The following MGAT5 variants were observed in gnomAD, a reference collection of about 807,000 sequenced individuals.
MGAT5 encodes the protein alpha-1,6-mannosylglycoprotein 6-beta-N-acetylglucosaminyltransferase A.
MGAT5 carries 30 observed loss-of-function variants against 94.3 expected under a neutral mutation model. That is an observed-to-expected ratio of 0.32 (90% CI 0.24 to 0.43). MGAT5 has a LOEUF of 0.43. MGAT5 is among the 20% of genes least tolerant of loss of function. The pLI, the probability that MGAT5 is intolerant of heterozygous loss-of-function variation, is 1.00. For missense variants in MGAT5, 691 were observed against 905.5 expected (o/e 0.76, Z 3.04); for synonymous variants, 310 against 322.9 (o/e 0.96, Z 0.43).
At chr2:134,263,377 C>T (rs897853677) in intron 1 of MGAT5, among the ~76,000 whole-genome samples, 2 of 152,172 alleles carry the variant, frequency 1.3e-5, no homozygotes, top group Admixed American at 6.5e-5. Context: ...AGTAATGACA[C>T]CCTCTGCAAC....
chr2:134,362,699 G>GGGCC (rs1479572104), intron 10 of MGAT5, among the ~76,000 whole-genome samples: 3 of 152,210 alleles, frequency 2.0e-5, no homozygotes, highest in African/African-American at 7.2e-5. Context: ...CTGAGAGCCA[G>GGGCC]GGCCCTCCAG....
At chr2:134,264,432 C>T (rs1214437214) in intron 1 of MGAT5, among the ~76,000 whole-genome samples, 8 of 152,182 alleles carry the variant, frequency 5.3e-5, no homozygotes, top group Non-Finnish European at 7.3e-5. Context: ...ACAGAGATGA[C>T]AAGCAGACTT....
intron 1 of MGAT5, among the ~76,000 whole-genome samples, chr2:134,246,726 A>G (rs1000393357): frequency 1.3e-5 from 2 of 152,214 alleles, no homozygotes; most frequent in Non-Finnish European, 2.9e-5. Flanking sequence ...TGGTAGACTC[A>G]GCTTGGTTTG....
At chr2:134,325,217 A>G (rs1278933787) in intron 4 of MGAT5, among the ~76,000 whole-genome samples, 1 of 152,098 alleles carries the variant, frequency 6.6e-6, no homozygotes, top group Non-Finnish European at 1.5e-5. Context: ...AAGACTTGCC[A>G]AAACCCAAAT....
intron 1 of MGAT5, among the ~76,000 whole-genome samples, chr2:134,232,082 A>C (rs1327237262): frequency 2.7e-5 from 4 of 149,874 alleles, no homozygotes; most frequent in Non-Finnish European, 5.9e-5. Context: ...GTCATTCTAT[A>C]CTCCTCCTCC....
At chr2:134,216,739 AT>A (rs1680516253) in intron 1 of MGAT5, among the ~76,000 whole-genome samples, 2 of 152,174 alleles carry the variant, frequency 1.3e-5, no homozygotes, top group African/African-American at 4.8e-5. Flanking sequence ...TACTTTTGCC[AT>A]TTCTGCTCTA....
intron 1 of MGAT5, among the ~76,000 whole-genome samples, chr2:134,231,849 G>C (rs1008369117): frequency 2.6e-5 from 4 of 152,194 alleles, no homozygotes; most frequent in African/African-American, 9.7e-5. Flanking sequence ...CTTGCCTGCT[G>C]TGCCGAGTTG....
At chr2:134,171,534 T>C (rs1000339518) in intron 1 of MGAT5, among the ~76,000 whole-genome samples, 5 of 152,182 alleles carry the variant, frequency 3.3e-5, no homozygotes, top group African/African-American at 1.2e-4. Flanking sequence ...TAATAATTTT[T>C]AGACAAATGC....
At chr2:134,277,572 T>C (rs191777521) in intron 2 of MGAT5, among the ~76,000 whole-genome samples, 2 of 152,250 alleles carry the variant, frequency 1.3e-5, no homozygotes, top group Admixed American at 1.3e-4. Flanking sequence ...TCCCCTGACA[T>C]GGGATTAAAA....
chr2:134,200,044 A>T (rs1360006852), intron 1 of MGAT5, among the ~76,000 whole-genome samples: 1 of 152,142 alleles, frequency 6.6e-6, no homozygotes, highest in Non-Finnish European at 1.5e-5. Flanking sequence ...CAGGTAAAGG[A>T]TGTCATGTTG....
chr2:134,134,643 GGACTCT>G (rs980776690), intron 1 of MGAT5, among the ~76,000 whole-genome samples: 7 of 152,180 alleles, frequency 4.6e-5, no homozygotes, highest in Non-Finnish European at 1.0e-4. Context: ...CCTGGAGAGA[GGACTCT>G]GGTCTAGTCC....
At chr2:134,283,335 A>G (rs1248479124) in intron 2 of MGAT5, among the ~76,000 whole-genome samples, 1 of 152,188 alleles carries the variant, frequency 6.6e-6, no homozygotes, top group Non-Finnish European at 1.5e-5. Flanking sequence ...GGCTGTTGCT[A>G]TAATTAACAA....
At chr2:134,410,932 A>G (rs1204847381) in intron 11 of MGAT5, among the ~76,000 whole-genome samples, 1 of 152,130 alleles carries the variant, frequency 6.6e-6, no homozygotes, top group South Asian at 2.1e-4. Flanking sequence ...ATGCCCAACC[A>G]CGGCCTGACA....
chr2:134,177,144 C>CGTGTGTGTGTGTGTGTGTGTGT (rs141358502), intron 1 of MGAT5, among the ~76,000 whole-genome samples: 34,097 of 142,306 alleles, frequency 0.24, 4,793 homozygotes, highest in Non-Finnish European at 0.31. Context: ...CAAATGAACC[C>CGTGTGTGTGTGTGTGTGTGTGT]GTGTGTGTGT....
At chr2:134,171,438 T>C (rs549203674) in intron 1 of MGAT5, among the ~76,000 whole-genome samples, 2 of 152,168 alleles carry the variant, frequency 1.3e-5, no homozygotes, top group South Asian at 4.1e-4. Context: ...CAAGAAGCAG[T>C]TTTGTGCAGA....
intron 4 of MGAT5, among the ~76,000 whole-genome samples, chr2:134,324,056 G>A (rs1316674635): frequency 6.6e-6 from 1 of 152,128 alleles, no homozygotes; most frequent in African/African-American, 2.4e-5. Flanking sequence ...CTTCATCTCT[G>A]TTGATATTAT....
intron 10 of MGAT5, among the ~76,000 whole-genome samples, chr2:134,387,332 A>ATATATATATATATATTTATATTTT: frequency 4.1e-5 from 1 of 24,274 alleles, no homozygotes; most frequent in Non-Finnish European, 6.4e-5. Flanking sequence ...ATATATATAT[A>ATATATATATATATATTTATATTTT]TTTTTTTTTT....
rs1558901755 is a variant in MGAT5 at position 134,452,128 on chromosome 2, G to A, written c.*3281G>A. 1 of 152,228 alleles carries A rather than the reference G, an allele frequency of 6.6e-6. No individual in the cohort carries two copies. The highest frequency in any genetic ancestry group is 2.4e-5 in the African/African-American group (1 of 41,440). The allele number at this position is 152,228 out of a possible 1,614,324, so 9.4% of individuals were successfully genotyped here. A position where few individuals can be genotyped will look rare whatever the true frequency, so the allele number is the denominator to read the frequency against. On this transcript the variant is annotated 3_prime_UTR_variant, in exon 16 of 16. Coordinates refer to ENST00000281923, the MANE Select transcript of MGAT5 (RefSeq NM_002410.5). ...TGAGCCACTGTAGCTGTTGAAGCTGGACACCAGACGCTCCCTATAACCCCC... is the reference window on the plus strand; with the variant it reads ...TGAGCCACTGTAGCTGTTGAAGCTGAACACCAGACGCTCCCTATAACCCCC...
chr2:134,259,130 G>C (rs1386462739), intron 1 of MGAT5, among the ~76,000 whole-genome samples: 1 of 152,220 alleles, frequency 6.6e-6, no homozygotes, highest in African/African-American at 2.4e-5. Context: ...TTTGTTCTTG[G>C]AGTGTGGAGG....
Sources: gnomAD v4.1 joint callset for allele counts (sites outside exome capture counted in the v4.1 genomes callset) on GRCh38, gnomAD v4.1.1 for gene constraint, MANE v1.5 for transcripts, NCBI Gene and HGNC (gene_info 2026-07-23, HGNC 2026-07-21) for gene names.